TRPM6: variants seen among roughly 807,000 people sequenced by gnomAD.
The protein encoded by TRPM6 is channel kinase 2.
Under a neutral mutation model 247.6 loss-of-function variants are expected in TRPM6, and 111 were observed. The ratio of observed to expected loss-of-function variants is 0.45; its 90% CI spans 0.38 to 0.52. The LOEUF is 0.52. Ranked by LOEUF, TRPM6 falls within the 20% of genes least tolerant of loss-of-function variation. The pLI is 0.00. For synonymous variants in TRPM6, 892 were observed against 853.8 expected (o/e 1.04, Z -0.78); for missense variants, 2,126 against 2,421.5 (o/e 0.88, Z 2.56).
intron 1 of TRPM6, among the ~76,000 whole-genome samples, chr9:74,872,615 T>TGTGTGTGC (rs1554737870): frequency 6.6e-6 from 1 of 151,624 alleles, no homozygotes; most frequent in Admixed American, 6.6e-5. Flanking sequence ...TGTGTGTGTG[T>TGTGTGTGC]GTGTGTGTGC....
intron 33 of TRPM6, 126 bp downstream of exon 33, chr9:74,742,435 A>G (rs1344887418): frequency 9.2e-6 from 8 of 870,106 alleles, no homozygotes; most frequent in Admixed American, 2.1e-5. Flanking sequence ...AATGAATCTC[A>G]CTAAACTACA....
chr9:74,780,182 C>T (rs988073799), intron 23 of TRPM6, among the ~76,000 whole-genome samples: 1 of 145,308 alleles, frequency 6.9e-6, no homozygotes, highest in African/African-American at 2.6e-5. Context: ...AAAAAAGTGA[C>T]AGGGGCCAGG....
intron 25 of TRPM6, among the ~76,000 whole-genome samples, chr9:74,769,714 C>G (rs1025497010): frequency 6.8e-6 from 1 of 146,194 alleles, no homozygotes; most frequent in Non-Finnish European, 1.5e-5. Flanking sequence ...GCCAAGATCA[C>G]GCCGTGGCAC....
At chr9:74,827,427 A>G (rs1314849658) in intron 7 of TRPM6, among the ~76,000 whole-genome samples, 1 of 152,058 alleles carries the variant, frequency 6.6e-6, no homozygotes, top group African/African-American at 2.4e-5. Flanking sequence ...TTCGGCCTCT[A>G]CTCTGTGCAG....
intron 38 of TRPM6, 119 bp from the exon 39 acceptor site, chr9:74,724,865 T>A: frequency 3.8e-6 from 5 of 1,310,072 alleles, no homozygotes; most frequent in African/African-American, 1.5e-5. Context: ...CCTCAGACCA[T>A]AGATATGTGG....
intron 11 of TRPM6, 32 bp from the exon 12 acceptor site, chr9:74,812,465 CAATT>C (rs1828767240): frequency 6.3e-7 from 1 of 1,585,572 alleles, no homozygotes; most frequent in Non-Finnish European, 8.6e-7. Context: ...AATATAAAGA[CAATT>C]AAGAAAGTAG....
chr9:74,787,259 T>G (rs1354889121), intron 20 of TRPM6, among the ~76,000 whole-genome samples: 1 of 150,382 alleles, frequency 6.6e-6, no homozygotes, highest in Non-Finnish European at 1.5e-5. Context: ...TGCTTGAACC[T>G]GGGAGGCAGA....
At chr9:74,740,075 T>C in intron 33 of TRPM6, 66 bp from the exon 34 acceptor site, 1 of 1,549,010 alleles carries the variant, frequency 6.5e-7, no homozygotes, top group Non-Finnish European at 8.8e-7. Flanking sequence ...AATAGTATCC[T>C]AAATATCAAT....
intron 1 of TRPM6, among the ~76,000 whole-genome samples, chr9:74,862,366 T>G (rs1830713626): frequency 6.6e-6 from 1 of 152,162 alleles, no homozygotes; most frequent in Non-Finnish European, 1.5e-5. Context: ...ATTTTGACAT[T>G]TCTGCAGCTA....
intron 1 of TRPM6, among the ~76,000 whole-genome samples, chr9:74,863,589 A>T (rs1168204407): frequency 1.3e-5 from 2 of 151,272 alleles, no homozygotes; most frequent in East Asian, 3.9e-4. Flanking sequence ...CAAAAAAGTG[A>T]CTTTTTTTTT....
intron 7 of TRPM6, among the ~76,000 whole-genome samples, chr9:74,822,999 C>T (rs1020293350): frequency 1.3e-5 from 2 of 152,106 alleles, no homozygotes; most frequent in Non-Finnish European, 2.9e-5. Flanking sequence ...TGAAAAGGGA[C>T]CTTGTCTATT....
intron 1 of TRPM6, among the ~76,000 whole-genome samples, chr9:74,860,321 A>ATTAT (rs975740648): frequency 6.4e-4 from 98 of 152,092 alleles, no homozygotes; most frequent in African/African-American, 1.9e-3. Flanking sequence ...ATACAATGTA[A>ATTAT]TTATTTATTT....
intron 29 of TRPM6, 143 bp downstream of exon 29, chr9:74,752,134 G>A (rs954705604): frequency 1.6e-6 from 1 of 619,764 alleles, no homozygotes. Context: ...AAATTCAACT[G>A]AGCATAGCTT....
Position 74,755,430 on chromosome 9 carries a change from G to A in TRPM6, c.4829C>T (p.Pro1610Leu). ...AGAGATGCTGTTTTCTCCTGGCTCT[G>A]GATTCAACTGGTCACTCTGAGAGCA... The part of the protein sequence containing the change: ...NACSQSDQLN[P>L]EPGENSISEE... The change falls in exon 28 of 39, where the codon CCA becomes CTA. Residue 1610 changes from proline (P) to leucine (L), a missense_variant. Physicochemically the swap from Pro to Leu is moderately conservative, Grantham distance 98. Around this residue, in one of 3 missense-constraint regions of TRPM6, gnomAD observed 717 missense variants for 715.9 expected, o/e 1.00. Coordinates refer to ENST00000360774, the MANE Select transcript of TRPM6 (RefSeq NM_017662.5). 1 of 1,614,110 alleles carries A rather than the reference G, an allele frequency of 6.2e-7. No individual in the cohort carries two copies.
At chr9:74,827,286 TC>T in intron 7 of TRPM6, 1 of 154,092 alleles carries the variant, frequency 6.5e-6, no homozygotes, top group Non-Finnish European at 1.4e-5. Context: ...CCCTCCATCA[TC>T]CCCCAAACAT....
At chr9:74,873,978 G>A (rs938553098) in intron 1 of TRPM6, among the ~76,000 whole-genome samples, 2 of 152,100 alleles carry the variant, frequency 1.3e-5, no homozygotes, top group African/African-American at 4.8e-5. Flanking sequence ...GCTCACAACT[G>A]TAATGCTAGC....
chr9:74,854,176 TAAAA>T, intron 3 of TRPM6, among the ~76,000 whole-genome samples: 1 of 152,260 alleles, frequency 6.6e-6, no homozygotes, highest in Non-Finnish European at 1.5e-5. Context: ...ATCAAAAAAA[TAAAA>T]CTAGTCTCAT....
intron 16 of TRPM6, 91 bp downstream of exon 16, chr9:74,801,806 TG>T: frequency 6.6e-7 from 1 of 1,504,516 alleles, no homozygotes; most frequent in Non-Finnish European, 9.1e-7. Context: ...TAAGTCCATT[TG>T]TCCTACAAGT....
At chr9:74,733,255 T>A (rs1182486244) in intron 36 of TRPM6, among the ~76,000 whole-genome samples, 1 of 151,276 alleles carries the variant, frequency 6.6e-6, no homozygotes, top group Non-Finnish European at 1.5e-5. Context: ...CCCAAATATA[T>A]GAAGATACAT....
Sources: allele counts gnomAD v4.1 joint callset (sites outside exome capture counted in the v4.1 genomes callset), GRCh38; gene constraint gnomAD v4.1.1; regional missense constraint gnomAD v4.1.1; transcripts MANE v1.5; gene names NCBI Gene and HGNC (gene_info 2026-07-23, HGNC 2026-07-21).